ASCC3: variants seen among roughly 807,000 people sequenced by gnomAD.
ASCC3 encodes the protein ASC-1 complex subunit P200.
A neutral mutation model predicts 256.3 loss-of-function variants in ASCC3; 158 were observed. The observed-to-expected ratio is 0.62, with a 90% CI of 0.54 to 0.70. The LOEUF (loss-of-function observed/expected upper bound fraction) is 0.70, where lower values mean the gene tolerates loss of function less well. Among genes scored for constraint, ASCC3 ranks in the 30% least tolerant of loss-of-function variants. The pLI is 0.00. For synonymous variants in ASCC3, 948 were observed against 883.4 expected, an observed-to-expected ratio of 1.07 and a Z score of -1.30; for missense variants, 2,259 against 2,626.0, an observed-to-expected ratio of 0.86 and a Z score of 3.05.
chr6:100,630,392 A>G (rs1774476423), intron 26 of ASCC3, among the ~76,000 whole-genome samples: 1 of 152,106 alleles, frequency 6.6e-6, no homozygotes, highest in Non-Finnish European at 1.5e-5. Flanking sequence ...TATCCTATAG[A>G]CAGCTAGTTC....
chr6:100,773,616 T>C (rs780607982), intron 8 of ASCC3, among the ~76,000 whole-genome samples: 6 of 152,162 alleles, frequency 3.9e-5, no homozygotes, highest in Non-Finnish European at 8.8e-5. Flanking sequence ...ATTATGACCC[T>C]TAACCACAAA....
chr6:100,854,181 G>C (rs1772826659), intron 3 of ASCC3, among the ~76,000 whole-genome samples: 2 of 149,458 alleles, frequency 1.3e-5, no homozygotes, highest in Admixed American at 6.6e-5. Flanking sequence ...GAGGGGGAGA[G>C]TATTAAACCA....
intron 41 of ASCC3, 27 bp from the exon 42 acceptor site, chr6:100,509,560 G>A (rs761710338): frequency 1.3e-6 from 2 of 1,586,080 alleles, no homozygotes; most frequent in South Asian, 1.1e-5. Flanking sequence ...GAAGAAAAAT[G>A]TAAAACCACT....
chr6:100,564,218 T>C (rs1038057470), intron 36 of ASCC3, among the ~76,000 whole-genome samples: 2 of 151,974 alleles, frequency 1.3e-5, no homozygotes, highest in Non-Finnish European at 2.9e-5. Context: ...TATCTAAACA[T>C]TCTAGGTCTT....
intron 10 of ASCC3, among the ~76,000 whole-genome samples, chr6:100,764,760 A>G (rs895933326): frequency 6.6e-5 from 10 of 152,132 alleles, no homozygotes; most frequent in African/African-American, 2.4e-4. Context: ...AAGTCCAATT[A>G]TCTCCCAAAG....
chr6:100,655,946 A>G (rs1775894324), intron 16 of ASCC3, 128 bp from the exon 17 acceptor site: 1 of 1,054,544 alleles, frequency 9.5e-7, no homozygotes, highest in Non-Finnish European at 1.4e-6. Context: ...AAAGGTAGGC[A>G]TAGTGACTGG....
chr6:100,737,229 GT>G (rs10706134), intron 10 of ASCC3, among the ~76,000 whole-genome samples: 138,211 of 147,966 alleles, frequency 0.93, 64,878 homozygotes, highest in South Asian at 0.99. Context: ...AGGACTCAAA[GT>G]TTTTTTTTTT....
chr6:100,611,970 C>G (rs2114826974), intron 30 of ASCC3, among the ~76,000 whole-genome samples: 1 of 151,664 alleles, frequency 6.6e-6, no homozygotes, highest in East Asian at 1.9e-4. Context: ...GGTGTCTTTC[C>G]AATAAATAGC....
At chr6:100,849,668 A>G (rs1202301709) in intron 3 of ASCC3, among the ~76,000 whole-genome samples, 3 of 152,186 alleles carry the variant, frequency 2.0e-5, no homozygotes, top group African/African-American at 4.8e-5. Flanking sequence ...AATAAAAAAA[A>G]GAATCTGTAT....
chr6:100,644,055 C>T lies in ASCC3; in HGVS notation c.3708G>A (p.Glu1236=), dbSNP rs1310170230. 6.2e-7 allele frequency: 1 copy of T among 1,611,942 alleles called. No individual in the cohort carries two copies. Among genetic ancestry groups the T allele is most frequent in the African/African-American group, 1.3e-5 (1 of 74,892 alleles). Reference sequence around the variant, plus strand: ...CTTGTTTTTTTAGAGCTAGAAAATACTCTGAATGATAAATATGATCATTTG... The same window carrying T: ...CTTGTTTTTTTAGAGCTAGAAAATATTCTGAATGATAAATATGATCATTTG... ...DPTNDHIYHS[E]YFLALKKQVI... is the part of the protein sequence containing the mutation. The change falls in exon 23 of 42, where the codon GAG becomes GAA. Residue 1236 remains glutamate (E), a synonymous_variant. Transcript: ENST00000369162.
intron 25 of ASCC3, among the ~76,000 whole-genome samples, chr6:100,635,666 A>G (rs114671582): frequency 0.015 from 2,304 of 152,274 alleles, 53 homozygotes; most frequent in African/African-American, 0.052. Flanking sequence ...TTGACAATGT[A>G]TATCAAAACA....
At chr6:100,734,118 G>A (rs1353006500) in intron 10 of ASCC3, among the ~76,000 whole-genome samples, 1 of 152,010 alleles carries the variant, frequency 6.6e-6, no homozygotes, top group African/African-American at 2.4e-5. Context: ...TGGTAAGTGG[G>A]GGCAAGGAAG....
At chr6:100,592,522 A>G (rs555637684) in intron 34 of ASCC3, among the ~76,000 whole-genome samples, 2 of 152,246 alleles carry the variant, frequency 1.3e-5, no homozygotes, top group South Asian at 4.1e-4. Context: ...ACACTATAAA[A>G]TAATTTAAAT....
At position 100,679,697 on chromosome 6, in the gene ASCC3, A is replaced by G. The variant is rs765985669; in HGVS notation, c.2207T>C (p.Ile736Thr). 98 of 1,613,582 alleles carry G rather than the reference A, an allele frequency of 6.1e-5. No individual in the cohort carries two copies. The highest frequency in any genetic ancestry group is 8.3e-5 in the Non-Finnish European group (98 of 1,179,740). ...NATVRTAMSL[I>T]ERAKNCGHIP... ...ATGGCCACAATTTTTTGCTCTTTCT[A>G]TTAGAGACATAGCTGTTCTTACAGT... Residue 736 changes from isoleucine (I) to threonine (T), a missense_variant, in exon 14 of 42, where the codon ATA (isoleucine) becomes ACA (threonine). Around this residue, in one of 2 missense-constraint regions of ASCC3, gnomAD observed 1,839 missense variants for 2,206.7 expected, o/e 0.83. Transcript: ENST00000369162.
At position 100,633,703 on chromosome 6, in the gene ASCC3, TA is replaced by T. The variant is rs200692957; in HGVS notation, c.4123-2491del. ...CAACATGGAGAAACCCCGTCACTAC[TA>T]AAAAAAAAAAAATACAAAAATTAGC... is the stretch of plus-strand genomic sequence containing the variant. On this transcript the variant is annotated intron_variant, in intron 25 of 41. Coordinates refer to ENST00000369162, the MANE Select transcript of ASCC3 (RefSeq NM_006828.4). Among the ~76,000 whole-genome samples the T allele has an allele frequency of 2.1e-3, 302 of 141,464 alleles. 1 individual carries two copies. Among genetic ancestry groups the T allele is most frequent in the Admixed American group, 2.3e-3 (33 of 14,178 alleles). 92.8% of individuals were successfully genotyped at this position (141,464 alleles called of 152,430 possible).
At chr6:100,812,135 T>C (rs1163646514) in intron 4 of ASCC3, among the ~76,000 whole-genome samples, 2 of 152,068 alleles carry the variant, frequency 1.3e-5, no homozygotes, top group African/African-American at 2.4e-5. Flanking sequence ...ACTAAAATAA[T>C]TTAGCAAAGT....
chr6:100,627,570 T>G lies in ASCC3; in HGVS notation c.4642+20A>C. The stretch of plus-strand genomic sequence containing the variant: ...CCATAAACAATGGTTACTATTTTAT[T>G]CCAAGAATCTGAAGCTTACCCTGAA... On this transcript the variant is annotated intron_variant, in intron 29 of 41. Coordinates refer to ENST00000369162, the MANE Select transcript of ASCC3 (RefSeq NM_006828.4). 6.2e-7 allele frequency: 1 copy of G among 1,612,760 alleles called. No individual in the cohort carries two copies. Among genetic ancestry groups the G allele is most frequent in the Non-Finnish European group, 8.5e-7 (1 of 1,179,356 alleles).
intron 10 of ASCC3, among the ~76,000 whole-genome samples, chr6:100,749,272 T>C (rs1309209114): frequency 6.6e-6 from 1 of 151,988 alleles, no homozygotes; most frequent in African/African-American, 2.4e-5. Context: ...TCTGCAGCTA[T>C]CAAATGTCAC....
At chr6:100,608,178 ATG>A (rs1343872803) in intron 30 of ASCC3, among the ~76,000 whole-genome samples, 4 of 118,128 alleles carry the variant, frequency 3.4e-5, no homozygotes, top group African/African-American at 6.6e-5. Flanking sequence ...ATATTTATAT[ATG>A]TGTGTGTATA....
Sources: allele counts gnomAD v4.1 joint callset (sites outside exome capture counted in the v4.1 genomes callset), GRCh38; gene constraint gnomAD v4.1.1; regional missense constraint gnomAD v4.1.1; transcripts MANE v1.5; gene names NCBI Gene and HGNC (gene_info 2026-07-23, HGNC 2026-07-21).